Variants in SQSTM1 observed in about 807,000 individuals in gnomAD.
The protein encoded by SQSTM1 is sequestosome 1.
Under a neutral mutation model 45.1 loss-of-function variants are expected in SQSTM1, and 36 were observed. That is an observed-to-expected ratio of 0.80 (90% confidence interval 0.61 to 1.05). The LOEUF (loss-of-function observed/expected upper bound fraction) is 1.05. SQSTM1 is among the 50% of genes least tolerant of loss of function. The pLI is 0.00. For synonymous variants in SQSTM1, 290 were observed against 244.3 expected (o/e 1.19, Z -1.74); for missense variants, 617 against 607.1 (o/e 1.02, Z -0.17).
chr5:179,836,533 C>T lies in SQSTM1; in HGVS notation c.1263C>T (p.Asn421=), dbSNP rs1383894920. The stretch of plus-strand genomic sequence containing the variant: ...TCACCAGGCTCCTGCAGACCAAGAA[C>T]TATGACATCGGAGCGGCTCTGGACA... ...GWLTRLLQTK[N]YDIGAALDTI... Residue 421 remains asparagine (N), a synonymous_variant, in exon 8 of 8, where the codon AAC becomes AAT. Coordinates refer to ENST00000389805, the MANE Select transcript of SQSTM1 (RefSeq NM_003900.5). 1.2e-6 allele frequency: 2 copies of T among 1,614,230 alleles called. No individual in the cohort carries two copies. The highest frequency in any genetic ancestry group is 1.7e-6 in the Non-Finnish European group (2 of 1,180,040).
intron 2 of SQSTM1, chr5:179,811,713 T>C (rs1297708957): frequency 6.6e-6 from 1 of 152,152 alleles, no homozygotes; most frequent in Non-Finnish European, 1.5e-5. Flanking sequence ...GAAATTTTTT[T>C]CCTCTCTTTC....
Position 179,837,343 on chromosome 5 carries a change from T to C in SQSTM1, c.*750T>C, listed in dbSNP as rs752454397. 1.3e-5 allele frequency: 21 copies of C among 1,584,112 alleles called. No individual in the cohort carries two copies. Among genetic ancestry groups the C allele is most frequent in the Non-Finnish European group, 1.5e-5 (17 of 1,164,908 alleles). ...CTTTAAAAGTGCCTTAGGGGAACCC[T>C]GTCCCTCCTAACAAGTGTATCTCGA... On this transcript the variant is annotated 3_prime_UTR_variant, in exon 8 of 8. Transcript: ENST00000389805.
intron 7 of SQSTM1, among the ~76,000 whole-genome samples, chr5:179,834,895 G>A (rs1758446245): frequency 6.6e-6 from 1 of 152,218 alleles, no homozygotes; most frequent in Admixed American, 6.5e-5. Flanking sequence ...TGTCATCATG[G>A]CCCGTTCTCA....
intron 5 of SQSTM1, among the ~76,000 whole-genome samples, chr5:179,832,822 C>T (rs1051791115): frequency 1.3e-5 from 2 of 152,062 alleles, no homozygotes; most frequent in Admixed American, 1.3e-4. Context: ...ATCGTCTGGT[C>T]CCATACTGGC....
upstream of SQSTM1, chr5:179,820,388 G>C (rs1055560111): frequency 2.0e-5 from 3 of 152,688 alleles, no homozygotes; most frequent in African/African-American, 7.2e-5. Context: ...GCCATGCGCT[G>C]TAAGAGGGCT....
intron 1 of SQSTM1, among the ~76,000 whole-genome samples, chr5:179,822,265 T>C (rs1757811153): frequency 6.6e-6 from 1 of 152,154 alleles, no homozygotes; most frequent in Non-Finnish European, 1.5e-5. Context: ...CAGAACTAGT[T>C]TTTTTTGGAG....
Position 179,837,826 on chromosome 5 carries a change from G to A in SQSTM1, c.*1233G>A. The A allele has an allele frequency of 6.2e-7, 1 of 1,613,204 alleles. No homozygotes were observed. Among genetic ancestry groups the A allele is most frequent in the South Asian group, 1.1e-5 (1 of 91,092 alleles). On this transcript the variant is annotated 3_prime_UTR_variant, in exon 8 of 8. Transcript: ENST00000389805. ...GCTCCCCGGCACTGCAGTCTGCAGA[G>A]TTCTCCTGGAGGCAGGGGCTGCTGC...
chr5:179,810,910 T>G (rs1757374158), intron 1 of SQSTM1, among the ~76,000 whole-genome samples: 1 of 152,078 alleles, frequency 6.6e-6, no homozygotes, highest in African/African-American at 2.4e-5. Context: ...CAACAATTTT[T>G]TTAAGGAAAA....
At chr5:179,811,292 G>A (rs1174592678) in intron 1 of SQSTM1, among the ~76,000 whole-genome samples, 1 of 150,512 alleles carries the variant, frequency 6.6e-6, no homozygotes. Flanking sequence ...GAAGAACTGG[G>A]TAGAGCCACA....
rs747619918 is a variant in SQSTM1 at position 179,837,422 on chromosome 5, A to G, written c.*829A>G. ...ATCATCATCGAAGTCTTCCCCAGTT[A>G]TAAAGAGGTCACATAGTCGTGTGGG... On this transcript the variant is annotated 3_prime_UTR_variant, in exon 8 of 8. Transcript: ENST00000389805. The G allele has an allele frequency of 1.9e-6, 3 of 1,603,578 alleles. No individual in the cohort carries two copies. Among genetic ancestry groups the G allele is most frequent in the Admixed American group, 3.4e-5 (2 of 58,708 alleles).
At chr5:179,833,482 A>G in intron 6 of SQSTM1, 105 bp from the exon 7 acceptor site, 1 of 1,245,592 alleles carries the variant, frequency 8.0e-7, no homozygotes, top group South Asian at 1.3e-5. Flanking sequence ...CCTTAACTGC[A>G]CGTGTGCATG....
At chr5:179,808,513 A>T (rs981757523) in intron 1 of SQSTM1, 16 of 152,194 alleles carry the variant, frequency 1.1e-4, no homozygotes, top group African/African-American at 3.9e-4. Flanking sequence ...GAGTTACTTA[A>T]TGTTAAAACT....
At chr5:179,815,805 A>G (rs574430865), upstream of SQSTM1, among the ~76,000 whole-genome samples, 1 of 152,262 alleles carries the variant, frequency 6.6e-6, no homozygotes, top group African/African-American at 2.4e-5. Context: ...GCCTTTATCC[A>G]CAGATGACCC....
rs1561612192 is a variant in SQSTM1 at position 179,837,681 on chromosome 5, T to C, written c.*1088T>C. The C allele has an allele frequency of 1.9e-6, 3 of 1,614,124 alleles. No individual in the cohort carries two copies. The highest frequency in any genetic ancestry group is 1.1e-5 in the South Asian group (1 of 91,090). On this transcript the variant is annotated 3_prime_UTR_variant, in exon 8 of 8. Transcript: ENST00000389805. ...GGCCTGGGGTCCCTCTGAAGAGACCTTGGCTGCTCACTGTCCACATGTGAA... is the reference window on the plus strand; with the variant it reads ...GGCCTGGGGTCCCTCTGAAGAGACCCTGGCTGCTCACTGTCCACATGTGAA...
At chr5:179,825,519 C>T (rs182990183) in intron 5 of SQSTM1, among the ~76,000 whole-genome samples, 2 of 152,370 alleles carry the variant, frequency 1.3e-5, no homozygotes, top group East Asian at 3.9e-4. Context: ...CCTGTCACCT[C>T]TGACTGCCCT....
chr5:179,817,015 C>T (rs576252039), upstream of SQSTM1, among the ~76,000 whole-genome samples: 2 of 152,200 alleles, frequency 1.3e-5, no homozygotes, highest in African/African-American at 2.4e-5. Context: ...ACTTGCGGGC[C>T]GGTGGCCCCG....
chr5:179,821,284 C>G, intron 1 of SQSTM1, 143 bp downstream of exon 1: 1 of 864,572 alleles, frequency 1.2e-6, no homozygotes. Flanking sequence ...TGGCGGTGGC[C>G]TGCATGGGTC....
At chr5:179,816,416 G>T (rs1014852731), upstream of SQSTM1, among the ~76,000 whole-genome samples, 10 of 152,144 alleles carry the variant, frequency 6.6e-5, no homozygotes, top group Admixed American at 3.9e-4. Context: ...CCAGTGCTGG[G>T]ACTACAGGTG....
chr5:179,820,749 G>C (rs1412331200), upstream of SQSTM1: 7 of 504,262 alleles, frequency 1.4e-5, no homozygotes, highest in Non-Finnish European at 2.4e-5. Context: ...GAGGGGTAGC[G>C]GGGAAGGGGA....
Sources: gnomAD v4.1 joint callset for allele counts (sites outside exome capture counted in the v4.1 genomes callset) on GRCh38, gnomAD v4.1.1 for gene constraint, MANE v1.5 for transcripts, NCBI Gene and HGNC (gene_info 2026-07-23, HGNC 2026-07-21) for gene names.